The following PTPRM variants were observed in gnomAD, a reference collection of about 807,000 sequenced individuals.
The protein encoded by PTPRM is protein tyrosine phosphatase receptor type M.
In PTPRM, 47 loss-of-function variants were observed where a neutral mutation model predicts 186.7. The ratio of observed to expected loss-of-function variants is 0.25; its 90% CI spans 0.20 to 0.32. The LOEUF (loss-of-function observed/expected upper bound fraction) is 0.32, where lower values mean the gene tolerates loss of function less well. PTPRM is among the 10% of genes least tolerant of loss of function. The probability of loss-of-function intolerance (pLI) is 1.00; values close to 1 mark genes in which losing one functional copy is unlikely to be tolerated. For missense variants in PTPRM, 1,494 were observed against 1,865.0 expected, an observed-to-expected ratio of 0.80 and a Z score of 3.66; for synonymous variants, 668 against 674.9, an observed-to-expected ratio of 0.99 and a Z score of 0.16.
chr18:8,223,257 G>A (rs1216993802), intron 14 of PTPRM, among the ~76,000 whole-genome samples: 1 of 152,024 alleles, frequency 6.6e-6, no homozygotes, highest in Non-Finnish European at 1.5e-5. Context: ...ATAAAAACTG[G>A]TTGACTAATT....
chr18:8,247,723 C>A, intron 15 of PTPRM, 122 bp from the exon 16 acceptor site: 1 of 672,930 alleles, frequency 1.5e-6, no homozygotes. Flanking sequence ...CCCACATAGA[C>A]ATCAGTGAGT....
At chr18:7,931,146 G>A (rs181995663) in intron 5 of PTPRM, among the ~76,000 whole-genome samples, 2 of 152,176 alleles carry the variant, frequency 1.3e-5, no homozygotes, top group Admixed American at 6.5e-5. Flanking sequence ...ATCGGATATG[G>A]CAATCTATTC....
chr18:8,302,252 C>T (rs544049449), intron 20 of PTPRM, among the ~76,000 whole-genome samples: 7 of 152,248 alleles, frequency 4.6e-5, no homozygotes, highest in African/African-American at 1.7e-4. Context: ...AACAACTGAA[C>T]AAGAGGGGAC....
chr18:8,156,654 A>G (rs2093127878), intron 14 of PTPRM, among the ~76,000 whole-genome samples: 1 of 152,176 alleles, frequency 6.6e-6, no homozygotes, highest in Non-Finnish European at 1.5e-5. Flanking sequence ...GGCTCAGGCA[A>G]GTAAAACTCA....
chr18:7,926,913 A>G (rs1403999812), intron 5 of PTPRM, among the ~76,000 whole-genome samples: 1 of 152,062 alleles, frequency 6.6e-6, no homozygotes, highest in Non-Finnish European at 1.5e-5. Context: ...CTTGCTTGGA[A>G]GATCTGATTG....
chr18:8,188,321 T>G (rs984580115), intron 14 of PTPRM, among the ~76,000 whole-genome samples: 1 of 152,350 alleles, frequency 6.6e-6, no homozygotes, highest in Middle Eastern at 3.4e-3. Flanking sequence ...AGTCCTTCCC[T>G]GTGGCAGCAG....
At chr18:7,935,251 C>T (rs576906225) in intron 5 of PTPRM, among the ~76,000 whole-genome samples, 1 of 152,116 alleles carries the variant, frequency 6.6e-6, no homozygotes, top group East Asian at 1.9e-4. Context: ...GCTATGGGAA[C>T]CATTTGCTCT....
intron 22 of PTPRM, among the ~76,000 whole-genome samples, chr18:8,330,292 C>T (rs2095405132): frequency 6.6e-6 from 1 of 152,148 alleles, no homozygotes; most frequent in African/African-American, 2.4e-5. Context: ...TAGCTATAAC[C>T]AGTGACTTTT....
chr18:7,931,578 G>A (rs543800581), intron 5 of PTPRM, among the ~76,000 whole-genome samples: 3 of 152,290 alleles, frequency 2.0e-5, no homozygotes, highest in Admixed American at 1.3e-4. Context: ...GCACGTGCCT[G>A]TAGTTCCAGC....
At chr18:8,052,789 A>G (rs1328035998) in intron 7 of PTPRM, among the ~76,000 whole-genome samples, 6 of 152,094 alleles carry the variant, frequency 3.9e-5, no homozygotes, top group East Asian at 3.8e-4. Flanking sequence ...TACCAATCCC[A>G]CTCTCATTAA....
chr18:7,794,903 G>A (rs991847502), intron 2 of PTPRM, among the ~76,000 whole-genome samples: 8 of 152,152 alleles, frequency 5.3e-5, no homozygotes, highest in Non-Finnish European at 1.0e-4. Context: ...GGTATGGAGT[G>A]GTAGTTGTGG....
chr18:8,088,683 G>C (rs2090557287), intron 10 of PTPRM, 66 bp from the exon 11 acceptor site: 1 of 1,311,678 alleles, frequency 7.6e-7, no homozygotes, highest in African/African-American at 1.5e-5. Context: ...GTAAAAGAAA[G>C]TGGAAACTAA....
At chr18:7,795,736 A>G (rs2043596487) in intron 2 of PTPRM, among the ~76,000 whole-genome samples, 1 of 151,374 alleles carries the variant, frequency 6.6e-6, no homozygotes, top group Admixed American at 6.6e-5. Context: ...TTTACATTGT[A>G]TATTTGTATC....
intron 2 of PTPRM, among the ~76,000 whole-genome samples, chr18:7,852,557 G>A (rs2046913824): frequency 1.3e-5 from 2 of 151,936 alleles, no homozygotes; most frequent in African/African-American, 2.4e-5. Context: ...GCATAGTGGC[G>A]GGCGCCTGTA....
chr18:8,316,407 A>G (rs1373030597), intron 21 of PTPRM, among the ~76,000 whole-genome samples: 1 of 152,206 alleles, frequency 6.6e-6, no homozygotes, highest in African/African-American at 2.4e-5. Context: ...GAGTAAGTGG[A>G]AATGCAGGAG....
chr18:8,040,361 T>C (rs1462522603), intron 7 of PTPRM, among the ~76,000 whole-genome samples: 1 of 152,140 alleles, frequency 6.6e-6, no homozygotes, highest in East Asian at 1.9e-4. Context: ...GTAGGATGGT[T>C]GGGTATGACA....
At chr18:8,368,645 A>G (rs935885789) in intron 23 of PTPRM, among the ~76,000 whole-genome samples, 2 of 152,212 alleles carry the variant, frequency 1.3e-5, no homozygotes, top group Non-Finnish European at 2.9e-5. Context: ...GGCAGCTGAA[A>G]TAACCAGCCA....
At chr18:7,983,207 C>T (rs1307026125) in intron 7 of PTPRM, among the ~76,000 whole-genome samples, 1 of 152,118 alleles carries the variant, frequency 6.6e-6, no homozygotes. Flanking sequence ...CACCTCCTGT[C>T]AGATCAGCAG....
intron 7 of PTPRM, among the ~76,000 whole-genome samples, chr18:8,041,531 T>A (rs1303309779): frequency 6.6e-6 from 1 of 152,200 alleles, no homozygotes; most frequent in Non-Finnish European, 1.5e-5. Flanking sequence ...TTCTTTCTTA[T>A]AAGATGTGTA....
Sources: gnomAD v4.1 joint callset for allele counts (sites outside exome capture counted in the v4.1 genomes callset) on GRCh38, gnomAD v4.1.1 for gene constraint, MANE v1.5 for transcripts, NCBI Gene and HGNC (gene_info 2026-07-23, HGNC 2026-07-21) for gene names.